LDLRAD3: variants seen among roughly 807,000 people sequenced by gnomAD.
LDLRAD3 encodes the protein low-density lipoprotein receptor class A domain-containing protein 3.
In LDLRAD3, 20 loss-of-function variants were observed where a neutral mutation model predicts 29.4. That is an observed-to-expected ratio of 0.68 (90% CI 0.48 to 0.99). The LOEUF (loss-of-function observed/expected upper bound fraction) is 0.99, where lower values mean the gene tolerates loss of function less well. Among genes scored for constraint, LDLRAD3 ranks in the 50% least tolerant of loss-of-function variants. The probability of loss-of-function intolerance (pLI) is 0.00; values close to 1 mark genes in which losing one functional copy is unlikely to be tolerated. For synonymous variants in LDLRAD3, 157 were observed against 192.7 expected (o/e 0.81, Z 1.53); for missense variants, 420 against 454.3 (o/e 0.92, Z 0.69).
At chr11:35,984,661 C>A (rs1002790936) in intron 1 of LDLRAD3, among the ~76,000 whole-genome samples, 1 of 152,102 alleles carries the variant, frequency 6.6e-6, no homozygotes, top group South Asian at 2.1e-4. Context: ...GATGGAGTTT[C>A]GCTCTTGTTG....
chr11:36,039,537 C>T (rs1483073802), intron 2 of LDLRAD3, among the ~76,000 whole-genome samples: 1 of 151,220 alleles, frequency 6.6e-6, no homozygotes, highest in Non-Finnish European at 1.5e-5. Context: ...GTATGAAGCA[C>T]GCAGCACAGT....
rs530827205 is a variant in LDLRAD3, at chr11:36,124,251, C to G, written c.454+25790C>G. Among the ~76,000 whole-genome samples, 4 of 152,270 alleles carry G rather than the reference C, an allele frequency of 2.6e-5. No homozygotes were observed. The East Asian group carries it at 7.7e-4, about 29-fold the overall frequency. On this transcript the variant is annotated intron_variant, in intron 4 of 5. Transcript: ENST00000315571. ...TCTACCCTTATCAGTCTCACTTCCC[C>G]TACTAAAATAGGAAGGCTATTGAAT...
intron 3 of LDLRAD3, among the ~76,000 whole-genome samples, chr11:36,091,566 C>T (rs1040805463): frequency 1.3e-5 from 2 of 152,046 alleles, no homozygotes; most frequent in Non-Finnish European, 2.9e-5. Flanking sequence ...GCTTTAGAAC[C>T]CTGTGTTTTT....
At chr11:36,137,973 T>A (rs7930919) in intron 4 of LDLRAD3, among the ~76,000 whole-genome samples, 36,692 of 152,102 alleles carry the variant, frequency 0.24, 4,749 homozygotes, top group African/African-American at 0.34. Flanking sequence ...TCAGTTTTTT[T>A]AAAAGTCAAA....
chr11:36,023,710 G>A (rs1354926022), intron 1 of LDLRAD3, among the ~76,000 whole-genome samples: 1 of 152,176 alleles, frequency 6.6e-6, no homozygotes, highest in Non-Finnish European at 1.5e-5. Context: ...ATGAGTGGGG[G>A]AATTTGATTG....
At chr11:35,964,988 C>CAA (rs368598047) in intron 1 of LDLRAD3, among the ~76,000 whole-genome samples, 5,516 of 137,448 alleles carry the variant, frequency 0.04, 350 homozygotes, top group African/African-American at 0.13. Context: ...AGACTGTCTC[C>CAA]AAAAAAAAAA....
chr11:36,157,702 A>G (rs2133522), intron 4 of LDLRAD3, among the ~76,000 whole-genome samples: 131,466 of 152,156 alleles, frequency 0.86, 56,889 homozygotes, highest in East Asian at 0.95. Flanking sequence ...ACAGGAAGAT[A>G]TAGCCCCTGG....
chr11:36,053,822 C>T (rs940041041), intron 2 of LDLRAD3, among the ~76,000 whole-genome samples: 21 of 152,134 alleles, frequency 1.4e-4, no homozygotes, highest in African/African-American at 5.1e-4. Flanking sequence ...CAGGGGCTAC[C>T]TGGAAACATT....
At chr11:35,953,172 G>T (rs1008218213) in intron 1 of LDLRAD3, among the ~76,000 whole-genome samples, 2 of 152,144 alleles carry the variant, frequency 1.3e-5, no homozygotes, top group Non-Finnish European at 2.9e-5. Context: ...GGGTGAATTC[G>T]CTGTTGCCCA....
At chr11:36,114,719 G>A (rs1245145653) in intron 4 of LDLRAD3, among the ~76,000 whole-genome samples, 1 of 152,194 alleles carries the variant, frequency 6.6e-6, no homozygotes, top group Non-Finnish European at 1.5e-5. Flanking sequence ...GCCAGTGCCT[G>A]CCTGCCTTTC....
chr11:36,097,946 G>A (rs1183838895), intron 3 of LDLRAD3, among the ~76,000 whole-genome samples: 2 of 152,198 alleles, frequency 1.3e-5, no homozygotes, highest in Non-Finnish European at 2.9e-5. Context: ...ATTATAGCCT[G>A]GTCTAAAAGT....
chr11:35,976,721 G>C (rs1590699673), intron 1 of LDLRAD3, among the ~76,000 whole-genome samples: 1 of 152,162 alleles, frequency 6.6e-6, no homozygotes, highest in Admixed American at 6.5e-5. Flanking sequence ...TCTGGTGGGG[G>C]TGGGGAAGGA....
chr11:36,208,079 G>A (rs1361751903), intron 4 of LDLRAD3, among the ~76,000 whole-genome samples: 13 of 152,116 alleles, frequency 8.5e-5, no homozygotes, highest in Admixed American at 7.2e-4. Flanking sequence ...GCCTGGGGCT[G>A]GGAAATACAA....
rs376846945 is a variant in LDLRAD3, at chr11:36,059,126, G to T, written c.194-22527G>T. On this transcript the variant is annotated intron_variant, in intron 2 of 5. Coordinates refer to ENST00000315571, the MANE Select transcript of LDLRAD3 (RefSeq NM_174902.4). ...CACACTTGTAATCCCAGCATTTTGGGAGGCTAAGGTAAGAGGACCACTTGA... is the reference window on the plus strand; with the variant it reads ...CACACTTGTAATCCCAGCATTTTGGTAGGCTAAGGTAAGAGGACCACTTGA... Among the ~76,000 whole-genome samples, 3 of 152,256 alleles carry T rather than the reference G, an allele frequency of 2.0e-5. No homozygotes were observed. The South Asian group carries it at 6.2e-4, about 32-fold the overall frequency.
At chr11:36,053,904 C>A (rs1377826028) in intron 2 of LDLRAD3, among the ~76,000 whole-genome samples, 1 of 151,010 alleles carries the variant, frequency 6.6e-6, no homozygotes, top group African/African-American at 2.4e-5. Context: ...GTTAGCTATG[C>A]CCACAGACAA....
intron 4 of LDLRAD3, among the ~76,000 whole-genome samples, chr11:36,132,823 G>A (rs1853945881): frequency 6.6e-6 from 1 of 152,176 alleles, no homozygotes; most frequent in African/African-American, 2.4e-5. Context: ...CTCATGCGGG[G>A]CCGTGTATAC....
intron 1 of LDLRAD3, among the ~76,000 whole-genome samples, chr11:35,964,782 G>T (rs1032118903): frequency 6.6e-6 from 1 of 152,108 alleles, no homozygotes; most frequent in Non-Finnish European, 1.5e-5. Flanking sequence ...GAGCCCTGGC[G>T]TTCAAGACCA....
chr11:36,143,897 G>T (rs1854123329), intron 4 of LDLRAD3, among the ~76,000 whole-genome samples: 1 of 147,726 alleles, frequency 6.8e-6, no homozygotes, highest in African/African-American at 2.6e-5. Context: ...CTAAAGTGTT[G>T]GAGGCTCCCT....
chr11:36,026,612 A>G (rs1852170289), intron 1 of LDLRAD3, among the ~76,000 whole-genome samples: 1 of 152,216 alleles, frequency 6.6e-6, no homozygotes, highest in Non-Finnish European at 1.5e-5. Context: ...GATACAACAG[A>G]TTTCAGTAAA....
Sources: allele counts gnomAD v4.1 joint callset (sites outside exome capture counted in the v4.1 genomes callset), GRCh38; gene constraint gnomAD v4.1.1; transcripts MANE v1.5; gene names NCBI Gene and HGNC (gene_info 2026-07-23, HGNC 2026-07-21).